The following ARMH3 variants were observed in gnomAD, a reference collection of about 807,000 sequenced individuals.
ARMH3 encodes armadillo-like helical domain-containing protein 3.
ARMH3 carries 60 observed loss-of-function variants against 99.1 expected under a neutral mutation model. That is an observed-to-expected ratio of 0.61 (90% CI 0.49 to 0.75). ARMH3 has a LOEUF of 0.75. Among genes scored for constraint, ARMH3 ranks in the 30% least tolerant of loss-of-function variants. ARMH3 has a pLI of 0.00. For synonymous variants in ARMH3, 285 were observed against 292.8 expected, an observed-to-expected ratio of 0.97 and a Z score of 0.27; for missense variants, 679 against 843.1, an observed-to-expected ratio of 0.81 and a Z score of 2.41.
intron 1 of ARMH3, 108 bp from the exon 2 acceptor site, chr10:102,040,233 A>G (rs1447601757): frequency 4.7e-5 from 42 of 885,364 alleles, no homozygotes; most frequent in Non-Finnish European, 7.3e-6. Flanking sequence ...TACAACACCA[A>G]GAGTGAATCC....
chr10:101,888,769 C>T (rs2135439655), intron 24 of ARMH3, among the ~76,000 whole-genome samples: 1 of 152,324 alleles, frequency 6.6e-6, no homozygotes, highest in Non-Finnish European at 1.5e-5. Flanking sequence ...TTCATTTTGA[C>T]ACATCAAGTT....
rs776445122 is a variant in ARMH3, at chr10:101,849,860, C to T, written c.1893G>A (p.Thr631=). ...GGCCATCCTGCAGCTTCAGCGTGAGCGTGTCATAGTTGGCTCTCACCACCT... is the reference window on the plus strand; with the variant it reads ...GGCCATCCTGCAGCTTCAGCGTGAGTGTGTCATAGTTGGCTCTCACCACCT... ...VLEVVRANYD[T]LTLKLQDGLD... is the part of the protein sequence containing the mutation. The change falls in exon 25 of 26, where the codon ACG becomes ACA. Residue 631 remains threonine (T), a synonymous_variant. Coordinates refer to ENST00000370033, the MANE Select transcript of ARMH3 (RefSeq NM_024541.3). 1.2e-5 allele frequency: 20 copies of T among 1,613,980 alleles called. No homozygotes were observed. Among genetic ancestry groups the T allele is most frequent in the Admixed American group, 1.7e-5 (1 of 60,000 alleles).
chr10:101,931,195 T>G (rs1379724842), intron 23 of ARMH3, among the ~76,000 whole-genome samples: 1 of 152,210 alleles, frequency 6.6e-6, no homozygotes, highest in Non-Finnish European at 1.5e-5. Flanking sequence ...AAATTCAGCC[T>G]GACTCAAGTT....
chr10:101,993,640 C>G (rs3808939), intron 16 of ARMH3, 37 bp from the exon 17 acceptor site: 4 of 1,401,878 alleles, frequency 2.9e-6, no homozygotes, highest in South Asian at 1.3e-5. Context: ...GAAGCGAGAG[C>G]TATATTTAAG....
chr10:101,963,521 T>A (rs1341494631), intron 20 of ARMH3, among the ~76,000 whole-genome samples: 1 of 152,186 alleles, frequency 6.6e-6, no homozygotes, highest in Non-Finnish European at 1.5e-5. Context: ...TCCACCCGCC[T>A]CAGCCCTACA....
intron 24 of ARMH3, among the ~76,000 whole-genome samples, chr10:101,869,742 A>G (rs142571061): frequency 2.6e-5 from 4 of 152,336 alleles, no homozygotes; most frequent in African/African-American, 9.6e-5. Context: ...AATGAAAAGG[A>G]AAAATAACAG....
At chr10:102,035,920 A>C (rs2067246595) in intron 2 of ARMH3, among the ~76,000 whole-genome samples, 1 of 147,836 alleles carries the variant, frequency 6.8e-6, no homozygotes, top group African/African-American at 2.6e-5. Flanking sequence ...GGAAGTGAGG[A>C]GCGCCTCTTC....
At chr10:101,865,295 A>G (rs1298603189) in intron 24 of ARMH3, among the ~76,000 whole-genome samples, 1 of 152,102 alleles carries the variant, frequency 6.6e-6, no homozygotes, top group East Asian at 1.9e-4. Flanking sequence ...TAAGATATAC[A>G]TAGAGAGTAT....
chr10:101,971,398 G>A (rs1185646340), intron 20 of ARMH3, among the ~76,000 whole-genome samples: 1 of 152,054 alleles, frequency 6.6e-6, no homozygotes, highest in East Asian at 1.9e-4. Flanking sequence ...GGCCAACATG[G>A]TAAAACTCCA....
At chr10:101,970,656 TAA>T (rs1195310551) in intron 20 of ARMH3, among the ~76,000 whole-genome samples, 1 of 144,626 alleles carries the variant, frequency 6.9e-6, no homozygotes. Flanking sequence ...ACCCCATCTC[TAA>T]AAAAAAAAAT....
intron 2 of ARMH3, among the ~76,000 whole-genome samples, chr10:102,037,018 C>T (rs1273722606): frequency 6.6e-6 from 1 of 151,754 alleles, no homozygotes; most frequent in Non-Finnish European, 1.5e-5. Context: ...CGCCACTGCA[C>T]TCCAGCTTGG....
chr10:101,866,642 G>A (rs957375225), intron 24 of ARMH3, among the ~76,000 whole-genome samples: 3 of 152,128 alleles, frequency 2.0e-5, no homozygotes, highest in Non-Finnish European at 4.4e-5. Context: ...TGTAAGAAAG[G>A]CATACCTATA....
At chr10:101,882,660 C>T (rs1170907056) in intron 24 of ARMH3, among the ~76,000 whole-genome samples, 4 of 152,080 alleles carry the variant, frequency 2.6e-5, no homozygotes, top group Non-Finnish European at 5.9e-5. Flanking sequence ...CCACCATGCC[C>T]GGCTAATTTT....
intron 8 of ARMH3, among the ~76,000 whole-genome samples, chr10:102,022,491 T>TAA (rs745889967): frequency 9.4e-5 from 8 of 85,352 alleles, no homozygotes; most frequent in African/African-American, 2.7e-4. Context: ...GACTCTGACT[T>TAA]AAAAAAAAAA....
intron 13 of ARMH3, 83 bp downstream of exon 13, chr10:102,009,291 T>C (rs2066577425): frequency 7.7e-7 from 1 of 1,301,062 alleles, no homozygotes; most frequent in African/African-American, 1.5e-5. Flanking sequence ...TTTAAACAAG[T>C]ACAGCCAGAT....
intron 24 of ARMH3, among the ~76,000 whole-genome samples, chr10:101,870,137 A>G (rs968102039): frequency 3.9e-5 from 6 of 152,262 alleles, no homozygotes; most frequent in African/African-American, 1.4e-4. Context: ...GATAAGCAAC[A>G]GAAGAGAAAA....
intron 22 of ARMH3, among the ~76,000 whole-genome samples, chr10:101,951,372 C>T (rs181086247): frequency 5.7e-4 from 87 of 152,110 alleles, no homozygotes; most frequent in African/African-American, 1.9e-3. Context: ...GAGTTCGAGA[C>T]CTGCCTGGGC....
intron 23 of ARMH3, among the ~76,000 whole-genome samples, chr10:101,919,716 T>G (rs1017219753): frequency 6.6e-6 from 1 of 152,206 alleles, no homozygotes; most frequent in Non-Finnish European, 1.5e-5. Context: ...ACACTCCACC[T>G]TGTCTCTGCT....
At position 102,010,100 on chromosome 10, in the gene ARMH3, C is replaced by T. The variant is rs2136105708; in HGVS notation, c.832-77G>A. ...GCTTTATGCCTAGGAAGCCTTTTAT[C>T]AGTGAAGAAAACAAGCTGCTTCCAC... On this transcript the variant is annotated intron_variant, in intron 11 of 25. Transcript: ENST00000370033. The T allele has an allele frequency of 2.8e-6, 4 of 1,415,278 alleles. No homozygotes were observed. In the East Asian group the frequency reaches 6.9e-5, roughly 24 times the overall value. The allele number at this position is 1,415,278 out of a possible 1,614,324, so 87.7% of individuals were successfully genotyped here. A position where few individuals can be genotyped will look rare whatever the true frequency, so the allele number is the denominator to read the frequency against.
Sources: gnomAD v4.1 joint callset for allele counts (sites outside exome capture counted in the v4.1 genomes callset) on GRCh38, gnomAD v4.1.1 for gene constraint, MANE v1.5 for transcripts, NCBI Gene and HGNC (gene_info 2026-07-23, HGNC 2026-07-21) for gene names.